The following NRXN1 variants were observed in gnomAD, a reference collection of about 807,000 sequenced individuals.
NRXN1 encodes neurexin-1.
Under a neutral mutation model 150.9 loss-of-function variants are expected in NRXN1, and 39 were observed. That is an observed-to-expected ratio of 0.26 (90% CI 0.20 to 0.34). NRXN1 has a LOEUF of 0.34. Ranked by LOEUF, NRXN1 falls within the 10% of genes least tolerant of loss-of-function variation. The pLI is 1.00. For synonymous variants in NRXN1, 924 were observed against 757.0 expected (o/e 1.22, Z -3.62); for missense variants, 1,815 against 1,949.9 (o/e 0.93, Z 1.30).
chr2:50,305,984 G>GT, intron 17 of NRXN1, among the ~76,000 whole-genome samples: 1 of 152,158 alleles, frequency 6.6e-6, no homozygotes, highest in East Asian at 1.9e-4. Flanking sequence ...TTGCCTCCTG[G>GT]TTTTGTTAAT....
chr2:50,000,734 G>A (rs550332117), intron 21 of NRXN1, among the ~76,000 whole-genome samples: 9 of 152,246 alleles, frequency 5.9e-5, no homozygotes, highest in Non-Finnish European at 1.3e-4. Context: ...TGTACAAAGG[G>A]TATCTGGATC....
At chr2:50,782,384 C>G (rs1388941802) in intron 5 of NRXN1, among the ~76,000 whole-genome samples, 3 of 151,900 alleles carry the variant, frequency 2.0e-5, no homozygotes, top group African/African-American at 7.3e-5. Flanking sequence ...GCAGGAGAAT[C>G]ACTTGAACCT....
intron 21 of NRXN1, among the ~76,000 whole-genome samples, chr2:49,985,942 T>C (rs1043667265): frequency 2.6e-5 from 4 of 152,236 alleles, no homozygotes; most frequent in African/African-American, 9.6e-5. Flanking sequence ...AATCACTTCA[T>C]GGTATGACCC....
chr2:50,454,597 T>C (rs533947838), intron 17 of NRXN1, among the ~76,000 whole-genome samples: 1 of 151,040 alleles, frequency 6.6e-6, no homozygotes, highest in Non-Finnish European at 1.5e-5. Context: ...GCATAATAAA[T>C]TACTCCTGCC....
rs546791831 is a variant in NRXN1, at chr2:50,848,157, G to A, written c.832+73712C>T. On this transcript the variant is annotated intron_variant, in intron 5 of 22. Coordinates refer to ENST00000401669, the MANE Select transcript of NRXN1 (RefSeq NM_001330078.2). ...ACCCCTAGACACTGCCATGGGGTCA[G>A]AGCCCCACAGCCTGCCAGTCTTTAT... Among the ~76,000 whole-genome samples, 3 of 152,238 alleles carry A rather than the reference G, an allele frequency of 2.0e-5. No homozygotes were observed. The South Asian group carries it at 6.2e-4, about 32-fold the overall frequency.
intron 16 of NRXN1, among the ~76,000 whole-genome samples, chr2:50,467,861 C>T (rs1421375585): frequency 7.3e-5 from 11 of 151,362 alleles, no homozygotes; most frequent in Admixed American, 7.3e-4. Context: ...AACCACTAAA[C>T]TCAACTTAGT....
intron 5 of NRXN1, among the ~76,000 whole-genome samples, chr2:50,864,808 C>T (rs190002625): frequency 6.6e-6 from 1 of 151,962 alleles, no homozygotes; most frequent in Non-Finnish European, 1.5e-5. Flanking sequence ...GCACTGTGTC[C>T]AAAGCAGTGG....
intron 19 of NRXN1, among the ~76,000 whole-genome samples, chr2:50,077,623 T>C (rs1697307191): frequency 6.6e-6 from 1 of 152,144 alleles, no homozygotes; most frequent in African/African-American, 2.4e-5. Context: ...AAGGTGACCC[T>C]GAAAAATTAT....
chr2:49,943,338 A>ATG (rs1302281716), intron 22 of NRXN1, among the ~76,000 whole-genome samples: 1 of 152,142 alleles, frequency 6.6e-6, no homozygotes, highest in Non-Finnish European at 1.5e-5. Flanking sequence ...AGGTCAAATA[A>ATG]TTTTGCACAA....
intron 17 of NRXN1, among the ~76,000 whole-genome samples, chr2:50,298,943 A>G (rs939608029): frequency 3.9e-5 from 6 of 152,160 alleles, no homozygotes; most frequent in African/African-American, 1.4e-4. Context: ...TAGCCTGTCC[A>G]CTTTTCAAAT....
At chr2:50,928,461 G>C (rs796596752) in intron 2 of NRXN1, among the ~76,000 whole-genome samples, 17 of 152,010 alleles carry the variant, frequency 1.1e-4, no homozygotes, top group African/African-American at 4.1e-4. Flanking sequence ...CATTATTTCA[G>C]AATTTGGACG....
rs1558996879 is a variant in NRXN1 at position 50,598,632 on chromosome 2, G to GTGTGTGTATCTATATACATATATATTCA, written c.1320+21389_1320+21390insTGAATATATATGTATATAGATACACACA. On this transcript the variant is annotated intron_variant, in intron 8 of 22. Transcript: ENST00000401669. ...TATACATATATATACATGTATATATGTATATATGTGTGTGTATCTATATAC... is the reference window on the plus strand; with the variant it reads ...TATACATATATATACATGTATATATGTGTGTGTATCTATATACATATATATTCATATATATGTGTGTGTATCTATATAC... 2.1e-3 allele frequency among the ~76,000 whole-genome samples: 296 copies of GTGTGTGTATCTATATACATATATATTCA among 143,792 alleles called. 2 individuals are homozygous for GTGTGTGTATCTATATACATATATATTCA. Among genetic ancestry groups the GTGTGTGTATCTATATACATATATATTCA allele is most frequent in the African/African-American group, 7.2e-3 (284 of 39,196 alleles). The allele number at this position is 143,792 out of a possible 152,430, so 94.3% of individuals were successfully genotyped here. A position where few individuals can be genotyped will look rare whatever the true frequency, so the allele number is the denominator to read the frequency against.
At chr2:50,572,960 C>T (rs1670870692) in intron 8 of NRXN1, among the ~76,000 whole-genome samples, 1 of 152,136 alleles carries the variant, frequency 6.6e-6, no homozygotes. Context: ...TAACAACTGC[C>T]TCATTTTACT....
intron 2 of NRXN1, among the ~76,000 whole-genome samples, chr2:50,943,856 A>G (rs566168906): frequency 6.6e-6 from 1 of 152,288 alleles, no homozygotes; most frequent in African/African-American, 2.4e-5. Context: ...GAGAGAAAAT[A>G]ATTTACTATA....
intron 5 of NRXN1, among the ~76,000 whole-genome samples, chr2:50,753,149 T>C (rs1285959521): frequency 1.1e-4 from 16 of 152,002 alleles, no homozygotes; most frequent in Admixed American, 1.1e-3. Flanking sequence ...ATTTAAACTT[T>C]GTGAAATATA....
In NRXN1 at chr2:50,908,436, CA is replaced by C. The variant is rs938106702; in HGVS notation, c.832+13432del. 2.6e-5 allele frequency among the ~76,000 whole-genome samples: 4 copies of C among 151,300 alleles called. No homozygotes were observed. The East Asian group carries it at 7.8e-4, about 29-fold the overall frequency. ...ATGGCATTAACAGAAGTATTATTTC[CA>C]AAACCACAGAATGCTTCCATTTTAC... On this transcript the variant is annotated intron_variant, in intron 5 of 22. Coordinates refer to ENST00000401669, the MANE Select transcript of NRXN1 (RefSeq NM_001330078.2).
intron 18 of NRXN1, among the ~76,000 whole-genome samples, chr2:50,196,776 A>G (rs1298420638): frequency 6.6e-6 from 1 of 152,194 alleles, no homozygotes; most frequent in Non-Finnish European, 1.5e-5. Flanking sequence ...ATGGAGCTAG[A>G]GGCCATTTTT....
At chr2:51,001,649 T>C (rs936206463) in intron 2 of NRXN1, among the ~76,000 whole-genome samples, 1 of 151,970 alleles carries the variant, frequency 6.6e-6, no homozygotes, top group Admixed American at 6.6e-5. Context: ...GTAAACATTA[T>C]AAAAAATAAA....
At chr2:50,647,201 C>T (rs1215583520) in intron 5 of NRXN1, among the ~76,000 whole-genome samples, 3 of 151,638 alleles carry the variant, frequency 2.0e-5, no homozygotes, top group Non-Finnish European at 2.9e-5. Flanking sequence ...AGAAAAAAAG[C>T]GGAAACTTAC....
Sources: gnomAD v4.1 joint callset for allele counts (sites outside exome capture counted in the v4.1 genomes callset) on GRCh38, gnomAD v4.1.1 for gene constraint, MANE v1.5 for transcripts, NCBI Gene and HGNC (gene_info 2026-07-23, HGNC 2026-07-21) for gene names.